LRIF1: variants seen among roughly 807,000 people sequenced by gnomAD.
LRIF1 encodes the protein ligand-dependent nuclear receptor-interacting factor 1.
Under a neutral mutation model 52.7 loss-of-function variants are expected in LRIF1, and 32 were observed. The ratio of observed to expected loss-of-function variants is 0.61; its 90% CI spans 0.46 to 0.82. The LOEUF (loss-of-function observed/expected upper bound fraction) is 0.82. LRIF1 is among the 40% of genes least tolerant of loss of function. The pLI is 0.00. For missense variants in LRIF1, 887 were observed against 892.0 expected, an observed-to-expected ratio of 0.99 and a Z score of 0.07; for synonymous variants, 323 against 317.4, an observed-to-expected ratio of 1.02 and a Z score of -0.19.
intron 3 of LRIF1, among the ~76,000 whole-genome samples, chr1:110,949,453 C>A (rs1269771416): frequency 1.4e-5 from 2 of 143,492 alleles, no homozygotes; most frequent in Non-Finnish European, 3.0e-5. Context: ...GGAGTCCTGC[C>A]CTGTCGCCTG....
the LRIF1 span, among the ~76,000 whole-genome samples, chr1:110,931,467 T>C: frequency 6.6e-6 from 1 of 152,188 alleles, no homozygotes; most frequent in Non-Finnish European, 1.5e-5. Flanking sequence ...GTCTTTATAG[T>C]AGCATGATTT....
intron 3 of LRIF1, 33 bp downstream of exon 3, chr1:110,949,818 C>A (rs1658384536): frequency 6.3e-7 from 1 of 1,590,700 alleles, no homozygotes; most frequent in African/African-American, 1.3e-5. Context: ...ATTTGTAGTA[C>A]CTATGAAGAG....
chr1:110,959,718 C>A (rs1165868888), intron 1 of LRIF1, among the ~76,000 whole-genome samples: 2 of 115,882 alleles, frequency 1.7e-5, no homozygotes, highest in African/African-American at 3.4e-5. Context: ...CACCTGGCGA[C>A]AGAGCGAGAC....
the LRIF1 span, among the ~76,000 whole-genome samples, chr1:110,927,405 C>T: frequency 6.6e-6 from 1 of 152,066 alleles, no homozygotes; most frequent in Non-Finnish European, 1.5e-5. Flanking sequence ...GTAGTGTGAG[C>T]GAGCAAGAAC....
At chr1:110,957,689 T>C (rs966478821) in intron 1 of LRIF1, among the ~76,000 whole-genome samples, 1 of 152,178 alleles carries the variant, frequency 6.6e-6, no homozygotes, top group Admixed American at 6.5e-5. Context: ...AAAGTAGTAG[T>C]CTATCCTACC....
chr1:110,886,846 A>AAGAT, the LRIF1 span, among the ~76,000 whole-genome samples: 37 of 101,004 alleles, frequency 3.7e-4, 7 homozygotes, highest in Middle Eastern at 6.0e-3. Context: ...CTCTGTCTCC[A>AAGAT]ATATATATAT....
chr1:110,893,509 A>C, the LRIF1 span, among the ~76,000 whole-genome samples: 1 of 152,096 alleles, frequency 6.6e-6, no homozygotes, highest in Non-Finnish European at 1.5e-5. Flanking sequence ...TTTAGTAGAG[A>C]CAGGGTTTCT....
chr1:110,917,522 T>A, the LRIF1 span, among the ~76,000 whole-genome samples: 1 of 152,210 alleles, frequency 6.6e-6, no homozygotes, highest in African/African-American at 2.4e-5. Context: ...TGTCTTCAAC[T>A]CATTTATTTA....
At chr1:110,894,374 C>T in the LRIF1 span, 3 of 1,614,018 alleles carry the variant, frequency 1.9e-6, no homozygotes, top group South Asian at 3.3e-5. Flanking sequence ...TGACCTTGGC[C>T]ATCCTGCTCT....
the LRIF1 span, among the ~76,000 whole-genome samples, chr1:110,913,440 G>C: frequency 1.3e-5 from 2 of 152,098 alleles, no homozygotes; most frequent in Admixed American, 6.5e-5. Context: ...GAATTTATAA[G>C]GAACTTAAAT....
chr1:110,920,819 C>T, the LRIF1 span, among the ~76,000 whole-genome samples: 1 of 152,128 alleles, frequency 6.6e-6, no homozygotes, highest in African/African-American at 2.4e-5. Context: ...CTTTCCACTC[C>T]GTTTTGCTGT....
the LRIF1 span, among the ~76,000 whole-genome samples, chr1:110,934,591 G>A: frequency 6.6e-6 from 1 of 152,214 alleles, no homozygotes; most frequent in African/African-American, 2.4e-5. Flanking sequence ...AGTGGCTACA[G>A]CATGAGGCTC....
the LRIF1 span, among the ~76,000 whole-genome samples, chr1:110,919,930 CAAAT>C: frequency 5.3e-5 from 8 of 152,024 alleles, no homozygotes; most frequent in African/African-American, 1.9e-4. Context: ...ATACAGATGA[CAAAT>C]AAACATATAA....
chr1:110,894,572 G>T, the LRIF1 span, among the ~76,000 whole-genome samples: 1 of 152,048 alleles, frequency 6.6e-6, no homozygotes, highest in Non-Finnish European at 1.5e-5. Context: ...GTATGAAAGA[G>T]ATTGTATCTG....
chr1:110,949,423 C>CTT lies in LRIF1; in HGVS notation c.1869+426_1869+427dup, dbSNP rs1006521534. Among the ~76,000 whole-genome samples the CTT allele has an allele frequency of 1.1e-3, 146 of 131,248 alleles. 1 individual carries two copies. The highest frequency in any genetic ancestry group is 3.9e-3 in the African/African-American group (138 of 35,588). 86.1% of individuals were successfully genotyped at this position (131,248 alleles called of 152,430 possible). A position where few individuals can be genotyped will look rare whatever the true frequency, so the allele number is the denominator to read the frequency against. ...GTGAGCCACTGCACCTGGCCTGGTT[C>CTT]TTTTTTTTTTTTTTGAGATGGAGTC... On this transcript the variant is annotated intron_variant, in intron 3 of 3. Transcript: ENST00000369763.
the LRIF1 span, among the ~76,000 whole-genome samples, chr1:110,924,237 T>C: frequency 2.0e-5 from 3 of 152,060 alleles, no homozygotes; most frequent in African/African-American, 7.2e-5. Flanking sequence ...AATATTATCA[T>C]AAAGAAAATC....
chr1:110,881,671 A>G, the LRIF1 span, among the ~76,000 whole-genome samples: 1 of 152,354 alleles, frequency 6.6e-6, no homozygotes, highest in African/African-American at 2.4e-5. Flanking sequence ...TTAACTTTGT[A>G]CAAAACGAGC....
chr1:110,957,530 T>C (rs1039542955), intron 1 of LRIF1, among the ~76,000 whole-genome samples: 1 of 147,300 alleles, frequency 6.8e-6, no homozygotes, highest in South Asian at 2.2e-4. Context: ...TATTTTCAAC[T>C]ATCTTCTTTG....
chr1:110,901,571 A>G, the LRIF1 span, among the ~76,000 whole-genome samples: 12 of 137,794 alleles, frequency 8.7e-5, 1 homozygote, highest in Admixed American at 8.7e-4. Context: ...CTGCCTCCCT[A>G]GTTCAAGCAA....
Sources: allele counts gnomAD v4.1 joint callset (sites outside exome capture counted in the v4.1 genomes callset), GRCh38; gene constraint gnomAD v4.1.1; transcripts MANE v1.5; gene names NCBI Gene and HGNC (gene_info 2026-07-23, HGNC 2026-07-21).